The following DCP2 variants were observed in gnomAD, a reference collection of about 807,000 sequenced individuals.
DCP2 encodes the protein decapping mRNA 2.
DCP2 carries 30 observed loss-of-function variants against 56.1 expected under a neutral mutation model. The observed-to-expected ratio is 0.53, with a 90% CI of 0.40 to 0.73. The LOEUF (loss-of-function observed/expected upper bound fraction) is 0.73. DCP2 is among the 30% of genes least tolerant of loss of function. DCP2 has a pLI of 0.00. For synonymous variants in DCP2, 197 were observed against 163.3 expected, an observed-to-expected ratio of 1.21 and a Z score of -1.57; for missense variants, 533 against 502.7, an observed-to-expected ratio of 1.06 and a Z score of -0.58.
chr5:112,984,133 A>G (rs1280169824), intron 1 of DCP2: 1 of 152,182 alleles, frequency 6.6e-6, no homozygotes, highest in East Asian at 1.9e-4. Context: ...GGTGTAGAGG[A>G]CAGCTGATCC....
chr5:112,983,676 T>C (rs1365312084), intron 1 of DCP2, among the ~76,000 whole-genome samples: 1 of 151,930 alleles, frequency 6.6e-6, no homozygotes, highest in African/African-American at 2.4e-5. Context: ...GGAAGGAAGA[T>C]ATTAGAAGCA....
At chr5:113,013,254 C>A in intron 10 of DCP2, 67 bp from the exon 11 acceptor site, 1 of 1,496,352 alleles carries the variant, frequency 6.7e-7, no homozygotes. Context: ...TAACAAAAGG[C>A]AAAGGGCAGT....
chr5:112,979,093 C>G (rs902841186), intron 1 of DCP2, among the ~76,000 whole-genome samples: 1 of 151,842 alleles, frequency 6.6e-6, no homozygotes, highest in South Asian at 2.1e-4. Context: ...AAGCACCTGT[C>G]AAGTGTTAAA....
rs1749957177 is a variant in DCP2 at position 113,017,886 on chromosome 5, G to C, written c.*4402G>C. ...CATTATCGAGTGTTTTCTAGCCCTG[G>C]ATAAAGTTAATTTTTTTGAAGTTTG... On this transcript the variant is annotated 3_prime_UTR_variant, in exon 11 of 11. Coordinates refer to ENST00000389063, the MANE Select transcript of DCP2 (RefSeq NM_152624.6). 1 of 152,090 alleles carries C rather than the reference G, an allele frequency of 6.6e-6. No homozygotes were observed. Among genetic ancestry groups the C allele is most frequent in the Admixed American group, 6.5e-5 (1 of 15,268 alleles). The allele number at this position is 152,090 out of a possible 1,614,324, so 9.4% of individuals were successfully genotyped here. A position where few individuals can be genotyped will look rare whatever the true frequency, so the allele number is the denominator to read the frequency against.
rs771514208 is a variant in DCP2, at chr5:112,994,163, C to CTTTT, written c.432+1415_432+1418dup. On this transcript the variant is annotated intron_variant, in intron 4 of 10. Transcript: ENST00000389063. Reference sequence around the variant, plus strand: ...TTGAAGTTCATTCCTTTTTTTCTTTCTTTTTTTTTTTTTTTTTTTTTTTTT... The same window carrying CTTTT: ...TTGAAGTTCATTCCTTTTTTTCTTTCTTTTTTTTTTTTTTTTTTTTTTTTTTTTT... 5.1e-3 allele frequency among the ~76,000 whole-genome samples: 382 copies of CTTTT among 75,072 alleles called. 3 individuals carry two copies. Among genetic ancestry groups the CTTTT allele is most frequent in the African/African-American group, 0.017 (325 of 19,214 alleles). The allele number at this position is 75,072 out of a possible 152,430, so 49.3% of individuals were successfully genotyped here. A position where few individuals can be genotyped will look rare whatever the true frequency, so the allele number is the denominator to read the frequency against.
At chr5:112,977,791 C>T (rs79901368) in intron 1 of DCP2, among the ~76,000 whole-genome samples, 4 of 151,988 alleles carry the variant, frequency 2.6e-5, no homozygotes, top group Admixed American at 2.0e-4. Context: ...CAGTGATACC[C>T]GGAGTTGTCG....
At position 113,020,561 on chromosome 5, in the gene DCP2, A is replaced by G. The variant is rs1022818106; in HGVS notation, c.*7077A>G. The G allele has an allele frequency of 6.6e-6, 1 of 152,236 alleles. No homozygotes were observed. The highest frequency in any genetic ancestry group is 2.4e-5 in the African/African-American group (1 of 41,470). The allele number at this position is 152,236 out of a possible 1,614,324, so 9.4% of individuals were successfully genotyped here. A position where few individuals can be genotyped will look rare whatever the true frequency, so the allele number is the denominator to read the frequency against. Reference sequence around the variant, plus strand: ...TTCTAGATTTATGTTGTTGTAGTTGAACAGCAACTGTTTTTTTCCCTCAGT... The same window carrying G: ...TTCTAGATTTATGTTGTTGTAGTTGGACAGCAACTGTTTTTTTCCCTCAGT... On this transcript the variant is annotated 3_prime_UTR_variant, in exon 11 of 11. Coordinates refer to ENST00000389063, the MANE Select transcript of DCP2 (RefSeq NM_152624.6).
chr5:112,976,904 G>C lies in DCP2; in HGVS notation c.-30G>C, dbSNP rs767618426. ...TCAGTCCCCGGCCGCGCGGAGCCGG[G>C]ATGCACTGTTCCTGCTGTGGGTCCT... On this transcript the variant is annotated 5_prime_UTR_variant, in exon 1 of 11. Transcript: ENST00000389063. The C allele has an allele frequency of 1.9e-6, 3 of 1,613,418 alleles. No individual in the cohort carries two copies. Among genetic ancestry groups the C allele is most frequent in the East Asian group, 4.5e-5 (2 of 44,856 alleles).
In DCP2 at chr5:113,010,941, T is replaced by G. The variant is rs4705748; in HGVS notation, c.1099+134T>G. ...AGTTGCATATGTTCTGTAGAAAGAGTTCATGTATGTAGAGTTCTCTAAGAA... is the reference window on the plus strand; with the variant it reads ...AGTTGCATATGTTCTGTAGAAAGAGGTCATGTATGTAGAGTTCTCTAAGAA... On this transcript the variant is annotated intron_variant, in intron 10 of 10. Transcript: ENST00000389063. 8.6e-4 allele frequency: 773 copies of G among 903,954 alleles called. 10 individuals carry two copies. In the Admixed American group the frequency reaches 0.023, roughly 26 times the overall value. The allele number at this position is 903,954 out of a possible 1,614,324, so 56.0% of individuals were successfully genotyped here. A position where few individuals can be genotyped will look rare whatever the true frequency, so the allele number is the denominator to read the frequency against.
At chr5:113,005,652 G>A (rs1749392815) in intron 8 of DCP2, among the ~76,000 whole-genome samples, 1 of 152,132 alleles carries the variant, frequency 6.6e-6, no homozygotes. Context: ...CCATTCCTAG[G>A]TAATATCCAA....
At position 112,992,672 on chromosome 5, in the gene DCP2, G is replaced by A. The variant is rs1330552355; in HGVS notation, c.334G>A (p.Val112Ile). Residue 112 changes from valine to isoleucine, a missense_variant and splice_region_variant, in exon 4 of 11, where the codon GTA becomes ATA. By Grantham distance (29) the Val-to-Ile change is conservative. Coordinates refer to ENST00000389063, the MANE Select transcript of DCP2 (RefSeq NM_152624.6). ...ATTTTTACTTCTGCTTGTTTTGTAG[G>A]TACTACTAGTTCAGGGGTACCTAGC... ...AIILDETLEN[V>I]LLVQGYLAKS... The A allele has an allele frequency of 1.3e-6, 2 of 1,573,086 alleles. No homozygotes were observed. The highest frequency in any genetic ancestry group is 2.3e-5 in the East Asian group (1 of 43,048).
At position 112,977,387 on chromosome 5, in the gene DCP2, C is replaced by G. The variant is rs577695993; in HGVS notation, c.53+401C>G. Reference sequence around the variant, plus strand: ...CCCCTCCTCCCTGTGTCTCATTCCCCGATTCTGAAGGAAGACCCCCAGGGT... The same window carrying G: ...CCCCTCCTCCCTGTGTCTCATTCCCGGATTCTGAAGGAAGACCCCCAGGGT... On this transcript the variant is annotated intron_variant, in intron 1 of 10. Coordinates refer to ENST00000389063, the MANE Select transcript of DCP2 (RefSeq NM_152624.6). Among the ~76,000 whole-genome samples the G allele has an allele frequency of 3.3e-5, 5 of 152,266 alleles. No homozygotes were observed. In the South Asian group the frequency reaches 8.3e-4, roughly 25 times the overall value.
intron 8 of DCP2, among the ~76,000 whole-genome samples, chr5:113,006,024 G>C (rs1749414755): frequency 6.6e-6 from 1 of 151,458 alleles, no homozygotes; most frequent in African/African-American, 2.4e-5. Flanking sequence ...TGCTCAGGAG[G>C]CTGAGGTGGG....
chr5:112,980,978 G>A (rs929695765), intron 1 of DCP2, among the ~76,000 whole-genome samples: 9 of 151,040 alleles, frequency 6.0e-5, no homozygotes, highest in African/African-American at 2.2e-4. Flanking sequence ...CTTCCAGTAT[G>A]TCTCTATCAG....
rs182739141 is a variant in DCP2 at position 113,021,425 on chromosome 5, C to T, written c.*7941C>T. On this transcript the variant is annotated 3_prime_UTR_variant, in exon 11 of 11. Transcript: ENST00000389063. ...AAAAACCCCCAGGAAGAAATATTGT[C>T]GAGAGTCTCTGCAAAAATGAAAATA... Among the ~76,000 whole-genome samples the T allele has an allele frequency of 6.8e-6, 1 of 148,100 alleles. No individual in the cohort carries two copies. The highest frequency in any genetic ancestry group is 6.7e-5 in the Admixed American group (1 of 14,856).
At chr5:112,977,026 T>C in intron 1 of DCP2, 40 bp downstream of exon 1, 2 of 1,460,756 alleles carry the variant, frequency 1.4e-6, no homozygotes, top group Non-Finnish European at 1.8e-6. Flanking sequence ...CCGTCGGGTT[T>C]TCTCAGTTTC....
At chr5:113,003,240 C>T (rs1749263856) in intron 7 of DCP2, among the ~76,000 whole-genome samples, 1 of 152,222 alleles carries the variant, frequency 6.6e-6, no homozygotes, top group Non-Finnish European at 1.5e-5. Context: ...AGCTACTGCG[C>T]TCAGCCTGCA....
chr5:112,988,205 G>T (rs1189690571), intron 2 of DCP2, among the ~76,000 whole-genome samples: 4 of 151,894 alleles, frequency 2.6e-5, no homozygotes, highest in Admixed American at 1.3e-4. Context: ...ATCCAAGGCC[G>T]GGTGCGGTGG....
intron 4 of DCP2, among the ~76,000 whole-genome samples, chr5:112,994,981 A>G (rs1044357447): frequency 6.6e-5 from 10 of 152,214 alleles, no homozygotes; most frequent in African/African-American, 1.9e-4. Context: ...ATTTCCTGCA[A>G]CAATGTTTAC....
Sources: gnomAD v4.1 joint callset for allele counts (sites outside exome capture counted in the v4.1 genomes callset) on GRCh38, gnomAD v4.1.1 for gene constraint, MANE v1.5 for transcripts, NCBI Gene and HGNC (gene_info 2026-07-23, HGNC 2026-07-21) for gene names.